Variants in DPY19L4 observed in about 807,000 individuals in gnomAD.
DPY19L4 encodes the protein probable C-mannosyltransferase DPY19L4.
A neutral mutation model predicts 102.8 loss-of-function variants in DPY19L4; 97 were observed. That is an observed-to-expected ratio of 0.94 (90% CI 0.80 to 1.12). The LOEUF (loss-of-function observed/expected upper bound fraction) is 1.12. Ranked by LOEUF, DPY19L4 falls within the 50% of genes most tolerant of loss-of-function variation. The pLI is 0.00. For missense variants in DPY19L4, 815 were observed against 850.4 expected (o/e 0.96, Z 0.52); for synonymous variants, 252 against 283.1 (o/e 0.89, Z 1.10).
intron 2 of DPY19L4, among the ~76,000 whole-genome samples, chr8:94,730,522 G>GA (rs1414884018): frequency 6.6e-6 from 1 of 151,636 alleles, no homozygotes; most frequent in Non-Finnish European, 1.5e-5. Flanking sequence ...GAGGTGGGGG[G>GA]ATCACCTGAG....
At position 94,726,436 on chromosome 8, in the gene DPY19L4, C is replaced by T; in HGVS notation, c.122C>T (p.Pro41Leu). ...GACATTCCAATTCCTGAAAGAGCTCCAAAACGTAAGTTAGATAGACTTGGA... is the reference window on the plus strand; with the variant it reads ...GACATTCCAATTCCTGAAAGAGCTCTAAAACGTAAGTTAGATAGACTTGGA... ...ISDIPIPERA[P>L]KHVLFQRFAK... The change falls in exon 2 of 19, where the codon CCA becomes CTA. Residue 41 changes from proline to leucine, a missense_variant. Pro to Leu is a moderately conservative substitution (Grantham distance 98, BLOSUM62 -3). Coordinates refer to ENST00000414645, the MANE Select transcript of DPY19L4 (RefSeq NM_181787.3). 1 of 1,604,458 alleles carries T rather than the reference C, an allele frequency of 6.2e-7. No individual in the cohort carries two copies. The highest frequency in any genetic ancestry group is 8.5e-7 in the Non-Finnish European group (1 of 1,177,192).
chr8:94,726,097 ATTGG>A (rs1348772055), intron 1 of DPY19L4, among the ~76,000 whole-genome samples: 2 of 152,202 alleles, frequency 1.3e-5, no homozygotes, highest in East Asian at 3.8e-4. Flanking sequence ...AGAAGAGCAC[ATTGG>A]TTTACTATTA....
At chr8:94,767,543 C>T (rs1486234244) in intron 11 of DPY19L4, among the ~76,000 whole-genome samples, 2 of 152,110 alleles carry the variant, frequency 1.3e-5, no homozygotes, top group South Asian at 2.1e-4. Context: ...CTGCCCGCCT[C>T]GGCCTCCCAA....
rs772224701 is a variant in DPY19L4 at position 94,761,854 on chromosome 8, T to C, written c.870+20T>C. ...GACAAGGTATTATGGCATTTTGAAA[T>C]GGTGATTTTTAAGAGAATAAATGTA... On this transcript the variant is annotated intron_variant, in intron 8 of 18. Transcript: ENST00000414645. 2 of 1,586,976 alleles carry C rather than the reference T, an allele frequency of 1.3e-6. No homozygotes were observed. Among genetic ancestry groups the C allele is most frequent in the African/African-American group, 1.4e-5 (1 of 73,826 alleles).
At chr8:94,721,618 C>T (rs977933373) in intron 1 of DPY19L4, among the ~76,000 whole-genome samples, 2 of 152,066 alleles carry the variant, frequency 1.3e-5, no homozygotes, top group Non-Finnish European at 2.9e-5. Flanking sequence ...TTGTAGGTTC[C>T]TATGAGTACA....
Position 94,770,413 on chromosome 8 carries a change from C to T in DPY19L4, c.1335-39C>T, listed in dbSNP as rs769455334. 26 of 1,558,384 alleles carry T rather than the reference C, an allele frequency of 1.7e-5. 1 individual carries two copies. In the Middle Eastern group the frequency reaches 3.2e-3, roughly 194 times the overall value. ...ATGTATCTTTGGTTTTTTACAAATA[C>T]ATTTTCAAAGTATTAAAAAATACAT... On this transcript the variant is annotated intron_variant, in intron 12 of 18. Coordinates refer to ENST00000414645, the MANE Select transcript of DPY19L4 (RefSeq NM_181787.3).
chr8:94,749,478 G>C (rs1057052601), intron 6 of DPY19L4, among the ~76,000 whole-genome samples: 2 of 152,164 alleles, frequency 1.3e-5, no homozygotes, highest in African/African-American at 4.8e-5. Flanking sequence ...TTTACATCCT[G>C]ATGCAACCCC....
intron 6 of DPY19L4, among the ~76,000 whole-genome samples, chr8:94,747,696 C>CTA: frequency 6.6e-6 from 1 of 151,792 alleles, no homozygotes; most frequent in Non-Finnish European, 1.5e-5. Flanking sequence ...GTAGCTAGGA[C>CTA]TATAGGTGCC....
chr8:94,725,554 CTAA>C lies in DPY19L4; in HGVS notation c.17-775_17-773del, dbSNP rs575930742. Among the ~76,000 whole-genome samples, 425 of 152,268 alleles carry C rather than the reference CTAA, an allele frequency of 2.8e-3. 1 individual carries two copies. The highest frequency in any genetic ancestry group is 9.7e-3 in the African/African-American group (404 of 41,558). On this transcript the variant is annotated intron_variant, in intron 1 of 18. Coordinates refer to ENST00000414645, the MANE Select transcript of DPY19L4 (RefSeq NM_181787.3). ...CCTAAATCTATAAGATTGTACAATG[CTAA>C]TGATAACACAGCACTGAAATTCTGC... is the stretch of plus-strand genomic sequence containing the variant.
intron 11 of DPY19L4, 30 bp from the exon 12 acceptor site, chr8:94,768,365 A>ATT: frequency 6.4e-7 from 1 of 1,551,590 alleles, no homozygotes; most frequent in Non-Finnish European, 8.7e-7. Context: ...ACGTCTATGA[A>ATT]TTTAATATCA....
At position 94,739,787 on chromosome 8, in the gene DPY19L4, A is replaced by G; in HGVS notation, c.608A>G (p.Asn203Ser). ...CTTACTGTTGCGTGGTTCGTTATTA[A>G]CAGGTAAGAAAGCTGTTTTAATTGA... The part of the protein sequence containing the change: ...GMLTVAWFVI[N>S]RVDTTRIEYS... Residue 203 changes from asparagine to serine, a missense_variant, in exon 6 of 19, where the codon AAC becomes AGC. Physicochemically the swap from Asn to Ser is conservative, Grantham distance 46. Coordinates refer to ENST00000414645, the MANE Select transcript of DPY19L4 (RefSeq NM_181787.3). The G allele has an allele frequency of 6.2e-7, 1 of 1,611,728 alleles. No homozygotes were observed. Among genetic ancestry groups the G allele is most frequent in the Non-Finnish European group, 8.5e-7 (1 of 1,179,922 alleles).
chr8:94,766,710 A>G (rs1284793491), intron 11 of DPY19L4, 25 bp downstream of exon 11: 1 of 1,577,564 alleles, frequency 6.3e-7, no homozygotes, highest in East Asian at 2.2e-5. Flanking sequence ...ATGTAAGTTT[A>G]CCTAAATCGA....
chr8:94,726,289 A>C, intron 1 of DPY19L4, 42 bp from the exon 2 acceptor site: 1 of 1,532,938 alleles, frequency 6.5e-7, no homozygotes, highest in Non-Finnish European at 8.8e-7. Flanking sequence ...AGATTAAAAC[A>C]ATTTTATACA....
Position 94,792,077 on chromosome 8 carries a change from CTT to C in DPY19L4, c.*2168_*2169del. The stretch of plus-strand genomic sequence containing the variant: ...TCTACAAGTAATTCCACTTAGGTAA[CTT>C]ACAGTTGTTAGGTTTGACAATAAAG... On this transcript the variant is annotated 3_prime_UTR_variant, in exon 19 of 19. Transcript: ENST00000414645. 1 of 152,012 alleles carries C rather than the reference CTT, an allele frequency of 6.6e-6. No homozygotes were observed. The highest frequency in any genetic ancestry group is 1.9e-4 in the East Asian group (1 of 5,188). 9.4% of individuals were successfully genotyped at this position (152,012 alleles called of 1,614,324 possible). A position where few individuals can be genotyped will look rare whatever the true frequency, so the allele number is the denominator to read the frequency against.
At chr8:94,726,558 C>A in intron 2 of DPY19L4, 117 bp downstream of exon 2, 1 of 821,430 alleles carries the variant, frequency 1.2e-6, no homozygotes, top group Non-Finnish European at 1.8e-6. Context: ...GCTCAGCTTT[C>A]ACTAGGTTTT....
intron 8 of DPY19L4, among the ~76,000 whole-genome samples, chr8:94,762,410 G>C (rs4335102): frequency 0.16 from 24,181 of 152,148 alleles, 2,057 homozygotes; most frequent in Admixed American, 0.21. Flanking sequence ...GAAGCAAGAG[G>C]AAGGAGCCAG....
chr8:94,766,101 A>G (rs527270666), intron 10 of DPY19L4, among the ~76,000 whole-genome samples: 11 of 152,366 alleles, frequency 7.2e-5, no homozygotes, highest in Admixed American at 5.9e-4. Context: ...AGTGTTTAGA[A>G]GAGTGGGTGA....
chr8:94,721,590 G>T (rs1476782047), intron 1 of DPY19L4, among the ~76,000 whole-genome samples: 3 of 152,222 alleles, frequency 2.0e-5, no homozygotes, highest in South Asian at 2.1e-4. Flanking sequence ...ATTTATGGGG[G>T]TAGGTTGATA....
At chr8:94,765,889 G>T in intron 10 of DPY19L4, 80 bp downstream of exon 10, 2 of 891,702 alleles carry the variant, frequency 2.2e-6, no homozygotes, top group South Asian at 1.6e-5. Context: ...TGAGAATAAT[G>T]AGATAGCACG....
Sources: allele counts gnomAD v4.1 joint callset (sites outside exome capture counted in the v4.1 genomes callset), GRCh38; gene constraint gnomAD v4.1.1; transcripts MANE v1.5; gene names NCBI Gene and HGNC (gene_info 2026-07-23, HGNC 2026-07-21).